USP32: variants seen among roughly 807,000 people sequenced by gnomAD.
USP32 encodes ubiquitin specific peptidase 32, also known as ubiquitin carboxyl-terminal hydrolase 32.
USP32 carries 59 observed loss-of-function variants against 204.8 expected under a neutral mutation model. The observed-to-expected ratio is 0.29, with a 90% CI of 0.23 to 0.36. The LOEUF is 0.36. Ranked by LOEUF, USP32 falls within the 10% of genes least tolerant of loss-of-function variation. The pLI is 1.00. For synonymous variants in USP32, 517 were observed against 678.4 expected (o/e 0.76, Z 3.70); for missense variants, 1,160 against 1,946.4 (o/e 0.60, Z 7.60).
chr17:60,343,613 G>A (rs1447305612), intron 2 of USP32, among the ~76,000 whole-genome samples: 1 of 152,158 alleles, frequency 6.6e-6, no homozygotes, highest in Non-Finnish European at 1.5e-5. Context: ...TGAGAACAAA[G>A]ACACAACATA....
chr17:60,238,410 G>A (rs1265635992), intron 11 of USP32, among the ~76,000 whole-genome samples: 2 of 152,080 alleles, frequency 1.3e-5, no homozygotes, highest in Non-Finnish European at 2.9e-5. Flanking sequence ...GCTCACACCT[G>A]TAATCTCAGC....
At chr17:60,221,895 G>A (rs374611702) in intron 15 of USP32, among the ~76,000 whole-genome samples, 2 of 152,056 alleles carry the variant, frequency 1.3e-5, no homozygotes, top group South Asian at 2.1e-4. Flanking sequence ...GCTGTTTACC[G>A]TGTAAGCACA....
intron 5 of USP32, among the ~76,000 whole-genome samples, chr17:60,275,914 T>TTAA (rs973015675): frequency 3.6e-5 from 5 of 139,488 alleles, no homozygotes; most frequent in African/African-American, 1.3e-4. Flanking sequence ...TGTCTCTATT[T>TTAA]AAAAAAAAAA....
intron 7 of USP32, among the ~76,000 whole-genome samples, chr17:60,268,362 G>A (rs1241998290): frequency 6.6e-6 from 1 of 151,298 alleles, no homozygotes; most frequent in South Asian, 2.1e-4. Context: ...TAAGGCCAGA[G>A]GTTCGAGACT....
upstream of USP32, among the ~76,000 whole-genome samples, chr17:60,396,276 TAGAGAGCCCAGG>T (rs1209535392): frequency 1.3e-5 from 2 of 151,888 alleles, no homozygotes. Context: ...AGAGTTTCTG[TAGAGAGCCCAGG>T]CTGGTCTCGA....
intron 2 of USP32, among the ~76,000 whole-genome samples, chr17:60,327,397 A>G (rs2088268047): frequency 8.3e-6 from 1 of 120,904 alleles, no homozygotes; most frequent in South Asian, 3.0e-4. Context: ...ACAGCTGTCA[A>G]TGTGGGTTGG....
At chr17:60,206,678 A>T (rs2084835448) in intron 25 of USP32, among the ~76,000 whole-genome samples, 1 of 151,752 alleles carries the variant, frequency 6.6e-6, no homozygotes, top group Non-Finnish European at 1.5e-5. Flanking sequence ...ATTAAATTAC[A>T]TATAATATTG....
At chr17:60,361,989 T>C (rs1248550905) in intron 1 of USP32, among the ~76,000 whole-genome samples, 1 of 152,226 alleles carries the variant, frequency 6.6e-6, no homozygotes, top group Non-Finnish European at 1.5e-5. Flanking sequence ...CCTTCTACTA[T>C]GTCCATACAA....
At chr17:60,197,343 G>A (rs1173661993) in intron 27 of USP32, among the ~76,000 whole-genome samples, 4 of 152,100 alleles carry the variant, frequency 2.6e-5, no homozygotes, top group African/African-American at 7.2e-5. Flanking sequence ...GGTGGCTCAC[G>A]CCTGTAATCC....
chr17:60,227,597 G>C (rs1409671021), intron 12 of USP32, among the ~76,000 whole-genome samples: 2 of 123,864 alleles, frequency 1.6e-5, no homozygotes, highest in Non-Finnish European at 3.4e-5. Context: ...TTTTTTTTTT[G>C]AGACAGGGTC....
Position 60,414,391 on chromosome 17 carries a change from T to A in USP32, c.106+7855A>T, listed in dbSNP as rs541344715. Among the ~76,000 whole-genome samples, 19 of 151,238 alleles carry A rather than the reference T, an allele frequency of 1.3e-4. No homozygotes were observed. In the South Asian group the frequency reaches 4.0e-3, roughly 32 times the overall value. On this transcript the variant is annotated intron_variant, in intron 1 of 3. Transcript: ENST00000588898. Reference sequence around the variant, plus strand: ...TTTAGTTTCTATAGGGAATAAAATATCTCCTGACTCTAACTTCCTTGGTGA... The same window carrying A: ...TTTAGTTTCTATAGGGAATAAAATAACTCCTGACTCTAACTTCCTTGGTGA...
intron 15 of USP32, among the ~76,000 whole-genome samples, chr17:60,220,478 G>A (rs1383900952): frequency 6.6e-6 from 1 of 152,108 alleles, no homozygotes; most frequent in African/African-American, 2.4e-5. Flanking sequence ...AAATTTGGAT[G>A]TAAAAAAAAC....
rs866198458 is a variant in USP32 at position 60,209,462 on chromosome 17, C to T, written c.2506G>A (p.Gly836Ser). The T allele has an allele frequency of 6.3e-7, 1 of 1,597,170 alleles. No individual in the cohort carries two copies. The highest frequency in any genetic ancestry group is 1.7e-4 in the Middle Eastern group (1 of 6,018). The change falls in exon 22 of 34, where the codon GGT becomes AGT. Residue 836 changes from glycine (G) to serine (S), a missense_variant. Transcript: ENST00000300896. The part of the protein sequence containing the change: ...SQELLAFLLD[G>S]LHEDLNRVHE... ...ACTCGATTAAGATCTTCATGAAGAC[C>T]ATCCAAGAGAAAAGCCAGAAGTTCT...
At chr17:60,373,525 C>G (rs1304569345) in intron 1 of USP32, among the ~76,000 whole-genome samples, 1 of 144,738 alleles carries the variant, frequency 6.9e-6, no homozygotes, top group Non-Finnish European at 1.5e-5. Context: ...CTCACTGCAA[C>G]CTGCACCTCC....
At chr17:60,310,915 A>G (rs1474778389) in intron 2 of USP32, among the ~76,000 whole-genome samples, 1 of 152,128 alleles carries the variant, frequency 6.6e-6, no homozygotes, top group Non-Finnish European at 1.5e-5. Context: ...CAAATATCAC[A>G]TGTTCTCACT....
At chr17:60,190,865 T>C (rs1249610372) in intron 28 of USP32, among the ~76,000 whole-genome samples, 182 bp from the exon 29 acceptor site, 3 of 152,230 alleles carry the variant, frequency 2.0e-5, no homozygotes, top group Non-Finnish European at 4.4e-5. Flanking sequence ...TAGTACAGTT[T>C]CAGGGAATCA....
intron 2 of USP32, among the ~76,000 whole-genome samples, chr17:60,311,864 C>T (rs925886492): frequency 6.6e-6 from 1 of 151,636 alleles, no homozygotes; most frequent in African/African-American, 2.4e-5. Flanking sequence ...GTGTAGGTCT[C>T]CAGAGTTTAG....
chr17:60,259,097 A>C (rs1338523564), intron 9 of USP32, among the ~76,000 whole-genome samples: 1 of 152,218 alleles, frequency 6.6e-6, no homozygotes, highest in Non-Finnish European at 1.5e-5. Flanking sequence ...AATAGAATAT[A>C]GCATGTTTCA....
intron 9 of USP32, among the ~76,000 whole-genome samples, chr17:60,259,241 G>T (rs555435065): frequency 6.6e-6 from 1 of 152,102 alleles, no homozygotes; most frequent in Non-Finnish European, 1.5e-5. Flanking sequence ...CCAACCTGCG[G>T]TCTCTTTAGT....
Sources: gnomAD v4.1 joint callset for allele counts (sites outside exome capture counted in the v4.1 genomes callset) on GRCh38, gnomAD v4.1.1 for gene constraint, MANE v1.5 for transcripts, NCBI Gene and HGNC (gene_info 2026-07-23, HGNC 2026-07-21) for gene names.